The following DBNL variants were observed in gnomAD, a reference collection of about 807,000 sequenced individuals.
DBNL encodes drebrin-like protein.
In DBNL, 35 loss-of-function variants were observed where a neutral mutation model predicts 62.2. That is an observed-to-expected ratio of 0.56 (90% CI 0.43 to 0.75). DBNL has a LOEUF of 0.75. Ranked by LOEUF, DBNL falls within the 30% of genes least tolerant of loss-of-function variation. DBNL has a pLI of 0.00. For synonymous variants in DBNL, 197 were observed against 218.0 expected (o/e 0.90, Z 0.85); for missense variants, 495 against 578.4 (o/e 0.86, Z 1.48).
rs112886601 is a variant in DBNL, at chr7:44,050,707, G to C, written c.139+427G>C. On this transcript the variant is annotated intron_variant, in intron 2 of 12. Coordinates refer to ENST00000448521, the MANE Select transcript of DBNL (RefSeq NM_001014436.3). ...CACTGGGAGAGGCAGTATCACTGCA[G>C]ATAGTCACGGGGGAGGCTCTGGAGG... 1,211 of 177,588 alleles carry C rather than the reference G, an allele frequency of 6.8e-3. 9 individuals carry two copies. Among genetic ancestry groups the C allele is most frequent in the Middle Eastern group, 0.018 (7 of 382 alleles). The allele number at this position is 177,588 out of a possible 1,614,324, so 11.0% of individuals were successfully genotyped here.
rs117753914 is a variant in DBNL, at chr7:44,064,748, A to G, written c.*3832A>G. ...GCCCCACGCCTAGAAAGCCTGGTCC[A>G]TGGGCGAGAGACTTTGCTGAGATGA... On this transcript the variant is annotated 3_prime_UTR_variant, in exon 13 of 13. Coordinates refer to ENST00000448521, the MANE Select transcript of DBNL (RefSeq NM_001014436.3). The G allele has an allele frequency of 2.6e-5, 32 of 1,221,102 alleles. No individual in the cohort carries two copies. The East Asian group carries it at 7.3e-4, about 28-fold the overall frequency. 75.6% of individuals were successfully genotyped at this position (1,221,102 alleles called of 1,614,324 possible).
In DBNL at chr7:44,060,088, A is replaced by G. The variant is rs2096145628; in HGVS notation, c.1088A>G (p.His363Arg). The change falls in exon 12 of 13, where the codon CAC (histidine) becomes CGC (arginine). Residue 363 changes from histidine (H) to arginine (R), a missense_variant. Coordinates refer to ENST00000448521, the MANE Select transcript of DBNL (RefSeq NM_001014436.3). This position sits in a 1 kb window ranked among gnomAD's most constrained non-coding sequence, Gnocchi z 6.3. ...QGAGSEHIDH[H>R]IQGQGLSGQG... ...GCTGGCTCTGAGCACATTGACCACCACATTCAGGGCCAGGGGCTCAGTGGG... is the reference window on the plus strand; with the variant it reads ...GCTGGCTCTGAGCACATTGACCACCGCATTCAGGGCCAGGGGCTCAGTGGG... 7.4e-6 allele frequency: 12 copies of G among 1,613,702 alleles called. No individual in the cohort carries two copies. In the East Asian group the frequency reaches 2.7e-4, roughly 36 times the overall value.
rs2096152285 is a variant in DBNL at position 44,063,135 on chromosome 7, G to A, written c.*2219G>A. 1 of 601,558 alleles carries A rather than the reference G, an allele frequency of 1.7e-6. No homozygotes were observed. Among genetic ancestry groups the A allele is most frequent in the African/African-American group, 1.8e-5 (1 of 54,254 alleles). 37.3% of individuals were successfully genotyped at this position (601,558 alleles called of 1,614,324 possible). A position where few individuals can be genotyped will look rare whatever the true frequency, so the allele number is the denominator to read the frequency against. ...CAGCCTACAGAAATAGCCCAGTGGT[G>A]AAAAAAATGGGGACTTCAGCCCCAC... On this transcript the variant is annotated 3_prime_UTR_variant, in exon 13 of 13. Coordinates refer to ENST00000448521, the MANE Select transcript of DBNL (RefSeq NM_001014436.3).
At chr7:44,057,724 C>T in intron 5 of DBNL, 58 bp from the exon 6 acceptor site, 1 of 1,596,760 alleles carries the variant, frequency 6.3e-7, no homozygotes, top group Non-Finnish European at 8.6e-7. Flanking sequence ...TCCTTTGGTG[C>T]CTGTGGGCCT....
At chr7:44,051,608 T>C (rs2096126764) in intron 2 of DBNL, 1 of 395,592 alleles carries the variant, frequency 2.5e-6, no homozygotes, top group African/African-American at 2.1e-5. Flanking sequence ...CTGAGGTACT[T>C]GTCAGAATCG....
chr7:44,064,793 G>GGGC lies in DBNL; in HGVS notation c.*3877_*3878insGGC. 1 of 1,136,980 alleles carries GGGC rather than the reference G, an allele frequency of 8.8e-7. No homozygotes were observed. Among genetic ancestry groups the GGGC allele is most frequent in the Non-Finnish European group, 1.3e-6 (1 of 773,398 alleles). 70.4% of individuals were successfully genotyped at this position (1,136,980 alleles called of 1,614,324 possible). A position where few individuals can be genotyped will look rare whatever the true frequency, so the allele number is the denominator to read the frequency against. On this transcript the variant is annotated 3_prime_UTR_variant, in exon 13 of 13. Transcript: ENST00000448521. ...AGATGAGAAGCCAGCTGGGGCTGCT[G>GGGC]CCCACCCACCCTGCCCAGGCTCCTG... is the stretch of plus-strand genomic sequence containing the variant.
At position 44,059,240 on chromosome 7, in the gene DBNL, C is replaced by A; in HGVS notation, c.836-114C>A. The A allele has an allele frequency of 1.8e-6, 2 of 1,132,662 alleles. No individual in the cohort carries two copies. The highest frequency in any genetic ancestry group is 1.3e-6 in the Non-Finnish European group (1 of 790,224). 70.2% of individuals were successfully genotyped at this position (1,132,662 alleles called of 1,614,324 possible). On this transcript the variant is annotated intron_variant, in intron 9 of 12. Transcript: ENST00000448521. This position sits in a 1 kb window ranked among gnomAD's most constrained non-coding sequence, Gnocchi z 4.1. ...CCTGGGGCCTCTGTTCCTGCACTAG[C>A]AAGAGCAAGCCCCATGAGACTGCCT...
rs773636683 is a variant in DBNL at position 44,057,809 on chromosome 7, G to A, written c.502G>A (p.Val168Met). The A allele has an allele frequency of 1.1e-5, 18 of 1,614,188 alleles. No homozygotes were observed. Among genetic ancestry groups the A allele is most frequent in the Middle Eastern group, 1.6e-4 (1 of 6,062 alleles). The change falls in exon 6 of 13, where the codon GTG becomes ATG. Residue 168 changes from valine to methionine, a missense_variant. By Grantham distance (21) the Val-to-Met change is conservative (BLOSUM62 1). Transcript: ENST00000448521. ...CTCTGTGTACCAGAAGACCAATGCC[G>A]TGTCTGAGATTAAAAGGGTTGGTAA... ...VGSVYQKTNAVSEIKRVGKDS... is the reference protein window; with the variant it reads ...VGSVYQKTNAMSEIKRVGKDS...
chr7:44,057,654 C>A, intron 5 of DBNL, 128 bp from the exon 6 acceptor site: 1 of 945,292 alleles, frequency 1.1e-6, no homozygotes, highest in Non-Finnish European at 1.6e-6. Context: ...GCTCTGCTGC[C>A]TCTGCTGGGT....
rs759178300 is a variant in DBNL, at chr7:44,059,099, TGAG to T, written c.835+120_835+122del. 1.9e-4 allele frequency: 217 copies of T among 1,128,432 alleles called. No homozygotes were observed. Among genetic ancestry groups the T allele is most frequent in the African/African-American group, 8.1e-4 (53 of 65,218 alleles). 69.9% of individuals were successfully genotyped at this position (1,128,432 alleles called of 1,614,324 possible). ...GATATATCGGTGACGGGTGAGTGAG[TGAG>T]GAGAAGGGACACCTGGGGCCATTGA... On this transcript the variant is annotated intron_variant, in intron 9 of 12. Coordinates refer to ENST00000448521, the MANE Select transcript of DBNL (RefSeq NM_001014436.3). The surrounding 1 kb of genome is among the most constrained non-coding windows in gnomAD (Gnocchi z 4.1).
rs1046990935 is a variant in DBNL at position 44,059,954 on chromosome 7, G to A, written c.1048-94G>A. ...CGAGCCTGTAGACTGCTTGCCCTCT[G>A]CGTACTCCCAGCTTGACCTGAGCCA... On this transcript the variant is annotated intron_variant, in intron 11 of 12. Coordinates refer to ENST00000448521, the MANE Select transcript of DBNL (RefSeq NM_001014436.3). This position sits in a 1 kb window ranked among gnomAD's most constrained non-coding sequence, Gnocchi z 4.1. 2.2e-5 allele frequency: 28 copies of A among 1,291,988 alleles called. No homozygotes were observed. Among genetic ancestry groups the A allele is most frequent in the Admixed American group, 1.6e-4 (8 of 50,086 alleles). The allele number at this position is 1,291,988 out of a possible 1,614,324, so 80.0% of individuals were successfully genotyped here. A position where few individuals can be genotyped will look rare whatever the true frequency, so the allele number is the denominator to read the frequency against.
At chr7:44,053,972 A>G (rs182412205) in intron 4 of DBNL, among the ~76,000 whole-genome samples, 19 of 152,280 alleles carry the variant, frequency 1.2e-4, no homozygotes, top group Middle Eastern at 3.4e-3. Flanking sequence ...CACCACGCCC[A>G]GCCCAGAATC....
At chr7:44,057,660 TG>T in intron 5 of DBNL, 121 bp from the exon 6 acceptor site, 2 of 1,016,542 alleles carry the variant, frequency 2.0e-6, no homozygotes, top group Non-Finnish European at 3.0e-6. Flanking sequence ...CTGCCTCTGC[TG>T]GGTCCAGTCC....
At chr7:44,048,205 G>A (rs542473943) in intron 1 of DBNL, among the ~76,000 whole-genome samples, 3 of 152,290 alleles carry the variant, frequency 2.0e-5, no homozygotes, top group East Asian at 1.9e-4. Context: ...ATGAGCCATC[G>A]CAGCTGGTTG....
In DBNL at chr7:44,058,313, C is replaced by A. The variant is rs368233079; in HGVS notation, c.704+33C>A. The stretch of plus-strand genomic sequence containing the variant: ...AGAGGTGGAGGCTGGCCTGGGGGAC[C>A]CACCCTGAGGCATTGCTGGGCACCT... On this transcript the variant is annotated intron_variant, in intron 7 of 12. Coordinates refer to ENST00000448521, the MANE Select transcript of DBNL (RefSeq NM_001014436.3). 3 of 1,581,536 alleles carry A rather than the reference C, an allele frequency of 1.9e-6. No individual in the cohort carries two copies. The African/African-American group carries it at 4.0e-5, about 21-fold the overall frequency.
Position 44,065,058 on chromosome 7 carries a change from C to T in DBNL, c.*4142C>T, listed in dbSNP as rs2096156861. The T allele has an allele frequency of 2.5e-6, 4 of 1,610,136 alleles. No homozygotes were observed. Among genetic ancestry groups the T allele is most frequent in the Non-Finnish European group, 3.4e-6 (4 of 1,179,786 alleles). Reference sequence around the variant, plus strand: ...GCTTTCCCTCCCAAGCCAGTGGGCCCCCACCCGACTCCCCACTCTGCAGCT... The same window carrying T: ...GCTTTCCCTCCCAAGCCAGTGGGCCTCCACCCGACTCCCCACTCTGCAGCT... On this transcript the variant is annotated 3_prime_UTR_variant, in exon 13 of 13. Transcript: ENST00000448521.
rs1250624323 is a variant in DBNL, at chr7:44,068,636, T to C, written c.*7720T>C. The C allele has an allele frequency of 2.6e-5, 4 of 152,348 alleles. No homozygotes were observed. The highest frequency in any genetic ancestry group is 1.5e-5 in the Non-Finnish European group (1 of 68,036). 9.4% of individuals were successfully genotyped at this position (152,348 alleles called of 1,614,324 possible). On this transcript the variant is annotated 3_prime_UTR_variant, in exon 13 of 13. Coordinates refer to ENST00000448521, the MANE Select transcript of DBNL (RefSeq NM_001014436.3). ...TCAATACATGCCCATCCTGAGATGATTCAACTATTGGAATGATCAGATACA... is the reference window on the plus strand; with the variant it reads ...TCAATACATGCCCATCCTGAGATGACTCAACTATTGGAATGATCAGATACA...
At position 44,063,345 on chromosome 7, in the gene DBNL, C is replaced by T. The variant is rs1484289323; in HGVS notation, c.*2429C>T. On this transcript the variant is annotated 3_prime_UTR_variant, in exon 13 of 13. Coordinates refer to ENST00000448521, the MANE Select transcript of DBNL (RefSeq NM_001014436.3). ...TCTTGCCCAGGCTGGAGTGCAGTGG[C>T]ACGATCTTGGCTCACTGCAACCTCC... 7.2e-6 allele frequency: 2 copies of T among 278,022 alleles called. No homozygotes were observed. Among genetic ancestry groups the T allele is most frequent in the Non-Finnish European group, 1.4e-5 (2 of 141,906 alleles). 17.2% of individuals were successfully genotyped at this position (278,022 alleles called of 1,614,324 possible).
rs1043759915 is a variant in DBNL, at chr7:44,051,888, C to T, written c.198C>T (p.Phe66=). ...ELNSGKVMYA[F]CRVKDPNSGL... ...ACAGCGGGAAGGTGATGTACGCCTT[C>T]TGCAGAGTGAAGGACCCCAACTCTG... The change falls in exon 3 of 13, where the codon TTC becomes TTT. Residue 66 remains phenylalanine, a synonymous_variant. Transcript: ENST00000448521. 1.9e-6 allele frequency: 3 copies of T among 1,614,188 alleles called. No individual in the cohort carries two copies. The highest frequency in any genetic ancestry group is 1.7e-5 in the Admixed American group (1 of 60,020).
Sources: allele counts gnomAD v4.1 joint callset (sites outside exome capture counted in the v4.1 genomes callset), GRCh38; gene constraint gnomAD v4.1.1; non-coding constraint Gnocchi (gnomAD v3.1); transcripts MANE v1.5; gene names NCBI Gene and HGNC (gene_info 2026-07-23, HGNC 2026-07-21).